Variants in CTNND2 observed in about 807,000 individuals in gnomAD.
CTNND2 encodes the protein catenin delta-2.
A neutral mutation model predicts 144.4 loss-of-function variants in CTNND2; 22 were observed. The ratio of observed to expected loss-of-function variants is 0.15; its 90% CI spans 0.11 to 0.22. CTNND2 has a LOEUF of 0.22. CTNND2 is among the 10% of genes least tolerant of loss of function. CTNND2 has a pLI of 1.00. For synonymous variants in CTNND2, 751 were observed against 695.6 expected (o/e 1.08, Z -1.25); for missense variants, 1,353 against 1,618.8 (o/e 0.84, Z 2.82).
intron 10 of CTNND2, among the ~76,000 whole-genome samples, chr5:11,231,576 G>C (rs1741027695): frequency 1.3e-5 from 2 of 152,276 alleles, no homozygotes; most frequent in Admixed American, 1.3e-4. Flanking sequence ...GTGGAGCTTT[G>C]AAACTGAGAG....
intron 12 of CTNND2, among the ~76,000 whole-genome samples, chr5:11,141,560 C>A (rs981831418): frequency 2.0e-5 from 3 of 152,020 alleles, no homozygotes; most frequent in Non-Finnish European, 2.9e-5. Flanking sequence ...TGCCTTTGAA[C>A]GGTTAAGTTT....
rs1411395845 is a variant in CTNND2 at position 11,685,059 on chromosome 5, C to A, written c.174+47077G>T. Reference sequence around the variant, plus strand: ...CAACCTAATAAAAGGGCTATTTTGTCATCTAAAACAGTGTAGTATCTTCAA... The same window carrying A: ...CAACCTAATAAAAGGGCTATTTTGTAATCTAAAACAGTGTAGTATCTTCAA... On this transcript the variant is annotated intron_variant, in intron 2 of 21. Transcript: ENST00000304623. Among the ~76,000 whole-genome samples, 4 of 152,328 alleles carry A rather than the reference C, an allele frequency of 2.6e-5. 1 individual carries two copies. Among genetic ancestry groups the A allele is most frequent in the Admixed American group, 2.6e-4 (4 of 15,294 alleles).
rs373025638 is a variant in CTNND2 at position 11,620,852 on chromosome 5, A to G, written c.175-55796T>C. ...ACTTAGCCTAGTGGCTCGGAAGCCT[A>G]TTCCCAGAATTTCTGGATGTCGAAT... On this transcript the variant is annotated intron_variant, in intron 2 of 21. Transcript: ENST00000304623. 4.6e-5 allele frequency among the ~76,000 whole-genome samples: 7 copies of G among 152,276 alleles called. No individual in the cohort carries two copies. The South Asian group carries it at 1.2e-3, about 27-fold the overall frequency.
At chr5:11,147,162 G>A (rs1313711269) in intron 12 of CTNND2, among the ~76,000 whole-genome samples, 2 of 152,218 alleles carry the variant, frequency 1.3e-5, no homozygotes, top group Non-Finnish European at 2.9e-5. Flanking sequence ...TGATCGTCAT[G>A]TACGTGAGAA....
At chr5:11,744,882 T>C (rs1320617106) in intron 1 of CTNND2, among the ~76,000 whole-genome samples, 1 of 151,972 alleles carries the variant, frequency 6.6e-6, no homozygotes, top group Admixed American at 6.6e-5. Flanking sequence ...ACTACAGGCA[T>C]GTGCCACCGC....
intron 1 of CTNND2, among the ~76,000 whole-genome samples, chr5:11,841,330 CA>C (rs58537776): frequency 0.093 from 14,148 of 151,896 alleles, 1,658 homozygotes; most frequent in African/African-American, 0.28. Context: ...AAAACACAAA[CA>C]AAAAAATTAA....
rs1404122233 is a variant in CTNND2, at chr5:11,903,298, G to A, written c.37+519C>T. 1.0e-6 allele frequency: 1 copy of A among 985,656 alleles called. No individual in the cohort carries two copies. Among genetic ancestry groups the A allele is most frequent in the Non-Finnish European group, 1.2e-6 (1 of 830,198 alleles). The allele number at this position is 985,656 out of a possible 1,614,324, so 61.1% of individuals were successfully genotyped here. ...GCTAAATATAGACCAAGGGGGCTCA[G>A]GGTCTGGCAAGCCGCGGGAGCCTGA... On this transcript the variant is annotated intron_variant, in intron 1 of 21. Coordinates refer to ENST00000304623, the MANE Select transcript of CTNND2 (RefSeq NM_001332.4). This position sits in a 1 kb window ranked among gnomAD's most constrained non-coding sequence, Gnocchi z 5.4.
chr5:11,642,311 A>G (rs1284843393), intron 2 of CTNND2, among the ~76,000 whole-genome samples: 3 of 152,184 alleles, frequency 2.0e-5, no homozygotes, highest in Admixed American at 2.0e-4. Flanking sequence ...TAATATTATA[A>G]TAAATCATCA....
intron 15 of CTNND2, among the ~76,000 whole-genome samples, chr5:11,094,298 G>A (rs188293998): frequency 2.6e-5 from 4 of 152,232 alleles, no homozygotes; most frequent in African/African-American, 4.8e-5. Flanking sequence ...TGATGACAGA[G>A]GGCCAACTTT....
At chr5:11,436,156 C>T (rs1763754042) in intron 3 of CTNND2, among the ~76,000 whole-genome samples, 2 of 151,894 alleles carry the variant, frequency 1.3e-5, no homozygotes, top group Non-Finnish European at 2.9e-5. Context: ...CCCTACCCTT[C>T]AGGAATATAC....
chr5:11,598,597 A>T (rs1779634903), intron 2 of CTNND2, among the ~76,000 whole-genome samples: 1 of 152,142 alleles, frequency 6.6e-6, no homozygotes, highest in Admixed American at 6.5e-5. Context: ...TAAGCCTCCT[A>T]TGAGAGGGTT....
chr5:11,263,624 T>A (rs2149960839), intron 9 of CTNND2, among the ~76,000 whole-genome samples: 1 of 152,262 alleles, frequency 6.6e-6, no homozygotes, highest in South Asian at 2.1e-4. Context: ...GTGAATAATG[T>A]TATCAGTGGT....
At chr5:11,893,710 A>G (rs771801712) in intron 1 of CTNND2, among the ~76,000 whole-genome samples, 2 of 151,408 alleles carry the variant, frequency 1.3e-5, no homozygotes, top group Non-Finnish European at 2.9e-5. Flanking sequence ...ATCCTCTCAC[A>G]CTCCGCTTCT....
intron 2 of CTNND2, among the ~76,000 whole-genome samples, chr5:11,670,695 T>C (rs1405042458): frequency 2.6e-5 from 4 of 152,172 alleles, no homozygotes; most frequent in Non-Finnish European, 5.9e-5. Flanking sequence ...GTCTCCTGAA[T>C]ACAGCACACA....
At chr5:11,676,825 A>C (rs1234186933) in intron 2 of CTNND2, among the ~76,000 whole-genome samples, 1 of 152,194 alleles carries the variant, frequency 6.6e-6, no homozygotes, top group Non-Finnish European at 1.5e-5. Flanking sequence ...TCAAGCTTAG[A>C]ACATTTCTTA....
intron 2 of CTNND2, among the ~76,000 whole-genome samples, chr5:11,693,827 TGAGCTATCGCTCCTAG>T (rs1212972139): frequency 9.2e-5 from 14 of 152,376 alleles, no homozygotes; most frequent in African/African-American, 3.4e-4. Flanking sequence ...TAGAGAATAC[TGAGCTATCGCTCCTAG>T]GAGAAATAAA....
chr5:11,024,733 G>T (rs1742641919), intron 16 of CTNND2, among the ~76,000 whole-genome samples: 2 of 152,118 alleles, frequency 1.3e-5, no homozygotes, highest in African/African-American at 4.8e-5. Flanking sequence ...TAAGAATTTG[G>T]CTGTAGCATT....
At chr5:11,666,449 TAA>T (rs1412548356) in intron 2 of CTNND2, among the ~76,000 whole-genome samples, 4 of 152,238 alleles carry the variant, frequency 2.6e-5, no homozygotes, top group South Asian at 4.1e-4. Flanking sequence ...AGAGAAGCTT[TAA>T]AGAGTTTTCA....
chr5:11,061,095 T>G (rs1746920276), intron 16 of CTNND2, among the ~76,000 whole-genome samples: 2 of 152,184 alleles, frequency 1.3e-5, no homozygotes, highest in Admixed American at 1.3e-4. Context: ...CAGTCCAAAA[T>G]CAAAGTTGTG....
Sources: allele counts gnomAD v4.1 joint callset (sites outside exome capture counted in the v4.1 genomes callset), GRCh38; gene constraint gnomAD v4.1.1; non-coding constraint Gnocchi (gnomAD v3.1); transcripts MANE v1.5; gene names NCBI Gene and HGNC (gene_info 2026-07-23, HGNC 2026-07-21).